Variants in PRR29 observed in about 807,000 individuals in gnomAD.
PRR29 encodes proline rich 29.
PRR29 carries 20 observed loss-of-function variants against 25.1 expected under a neutral mutation model. That is an observed-to-expected ratio of 0.80 (90% CI 0.56 to 1.16). The LOEUF (loss-of-function observed/expected upper bound fraction) is 1.16. Among genes scored for constraint, PRR29 ranks in the 50% most tolerant of loss-of-function variants. The probability of loss-of-function intolerance (pLI) is 0.00; values close to 1 mark genes in which losing one functional copy is unlikely to be tolerated. For synonymous variants in PRR29, 108 were observed against 102.6 expected (o/e 1.05, Z -0.32); for missense variants, 238 against 246.6 (o/e 0.97, Z 0.23).
At chr17:63,999,377 C>G (rs1910413885) in intron 3 of PRR29, 1 of 476,744 alleles carries the variant, frequency 2.1e-6, no homozygotes, top group Admixed American at 3.7e-5. Context: ...CTGCCCCATG[C>G]ATCATGAGCG....
rs929718879 is a variant in PRR29 at position 64,002,522 on chromosome 17, G to A, written c.*761G>A. On this transcript the variant is annotated 3_prime_UTR_variant, in exon 6 of 6. Transcript: ENST00000412177. ...GAGGGTGGGGAGGGAGGCATCTAGGGAGAGGGGTCCCCCATGGTGGCTCCC... is the reference window on the plus strand; with the variant it reads ...GAGGGTGGGGAGGGAGGCATCTAGGAAGAGGGGTCCCCCATGGTGGCTCCC... 1.8e-6 allele frequency: 1 copy of A among 562,486 alleles called. No individual in the cohort carries two copies. The highest frequency in any genetic ancestry group is 1.9e-5 in the African/African-American group (1 of 53,260). The allele number at this position is 562,486 out of a possible 1,614,324, so 34.8% of individuals were successfully genotyped here.
Position 64,003,411 on chromosome 17 carries a change from G to C in PRR29, c.*1650G>C, listed in dbSNP as rs1910945950. On this transcript the variant is annotated 3_prime_UTR_variant, in exon 6 of 6. Coordinates refer to ENST00000412177, the MANE Select transcript of PRR29 (RefSeq NM_001164257.2). ...GCCAGGGAGAGCCGTCAAGGTCATG[G>C]GGCTTGATGGTGGCCGAGGAACTAG... The C allele has an allele frequency of 1.1e-5, 6 of 565,662 alleles. No individual in the cohort carries two copies. Among genetic ancestry groups the C allele is most frequent in the Non-Finnish European group, 1.9e-5 (6 of 317,114 alleles). 35.0% of individuals were successfully genotyped at this position (565,662 alleles called of 1,614,324 possible).
chr17:64,001,428 G>C, intron 4 of PRR29, 39 bp from the exon 5 acceptor site: 1 of 1,491,600 alleles, frequency 6.7e-7, no homozygotes, highest in Non-Finnish European at 9.0e-7. Flanking sequence ...GGCCACCCCT[G>C]GGCCTCTGAT....
chr17:64,003,095 A>T lies in PRR29; in HGVS notation c.*1334A>T, dbSNP rs191722881. On this transcript the variant is annotated 3_prime_UTR_variant, in exon 6 of 6. Transcript: ENST00000412177. ...GAGTGGTGAATGGTGTCTGCATTAA[A>T]ATTATTATCTGGAAAAAAGGTGGCC... 5.5e-4 allele frequency: 329 copies of T among 596,628 alleles called. 1 individual carries two copies. Among genetic ancestry groups the T allele is most frequent in the African/African-American group, 5.5e-3 (297 of 53,954 alleles). The allele number at this position is 596,628 out of a possible 1,614,324, so 37.0% of individuals were successfully genotyped here. A position where few individuals can be genotyped will look rare whatever the true frequency, so the allele number is the denominator to read the frequency against.
At chr17:64,001,426 CT>C in intron 4 of PRR29, 40 bp from the exon 5 acceptor site, 3 of 1,491,306 alleles carry the variant, frequency 2.0e-6, no homozygotes, top group South Asian at 1.2e-5. Context: ...GAGGCCACCC[CT>C]GGGCCTCTGA....
At position 64,001,882 on chromosome 17, in the gene PRR29, C is replaced by T; in HGVS notation, c.*121C>T. 6.5e-7 allele frequency: 1 copy of T among 1,536,702 alleles called. No individual in the cohort carries two copies. The highest frequency in any genetic ancestry group is 8.7e-7 in the Non-Finnish European group (1 of 1,146,882). Reference sequence around the variant, plus strand: ...CATGGCTGGCAGTCCTTCTCACTCCCTCAACCTCAGCCAGGCCCTCTTCTC... The same window carrying T: ...CATGGCTGGCAGTCCTTCTCACTCCTTCAACCTCAGCCAGGCCCTCTTCTC... On this transcript the variant is annotated 3_prime_UTR_variant, in exon 6 of 6. Transcript: ENST00000412177.
chr17:64,001,888 C>A lies in PRR29; in HGVS notation c.*127C>A. The A allele has an allele frequency of 6.5e-7, 1 of 1,536,618 alleles. No homozygotes were observed. Among genetic ancestry groups the A allele is most frequent in the South Asian group, 1.2e-5 (1 of 84,058 alleles). Reference sequence around the variant, plus strand: ...TGGCAGTCCTTCTCACTCCCTCAACCTCAGCCAGGCCCTCTTCTCCTGGGG... The same window carrying A: ...TGGCAGTCCTTCTCACTCCCTCAACATCAGCCAGGCCCTCTTCTCCTGGGG... On this transcript the variant is annotated 3_prime_UTR_variant, in exon 6 of 6. Transcript: ENST00000412177.
At position 64,002,281 on chromosome 17, in the gene PRR29, C is replaced by T; in HGVS notation, c.*520C>T. ...AGTCAGTTCGCTGGGCCCCCCACCC[C>T]TCATCCCAGGAAGCAGCTCTGTTGG... is the stretch of plus-strand genomic sequence containing the variant. On this transcript the variant is annotated 3_prime_UTR_variant, in exon 6 of 6. Transcript: ENST00000412177. The T allele has an allele frequency of 2.0e-6, 1 of 502,108 alleles. No individual in the cohort carries two copies. 31.1% of individuals were successfully genotyped at this position (502,108 alleles called of 1,614,324 possible). A position where few individuals can be genotyped will look rare whatever the true frequency, so the allele number is the denominator to read the frequency against.
At chr17:63,999,883 C>T (rs561341991) in intron 3 of PRR29, 28 of 152,488 alleles carry the variant, frequency 1.8e-4, no homozygotes, top group African/African-American at 2.4e-4. Flanking sequence ...CAAGTGTGTG[C>T]GTGCAAGCAA....
Position 63,998,362 on chromosome 17 carries a change from G to C in PRR29, c.-3G>C. The C allele has an allele frequency of 6.5e-7, 1 of 1,531,448 alleles. No individual in the cohort carries two copies. The allele number at this position is 1,531,448 out of a possible 1,614,324, so 94.9% of individuals were successfully genotyped here. On this transcript the variant is annotated 5_prime_UTR_variant, in exon 1 of 6. Coordinates refer to ENST00000412177, the MANE Select transcript of PRR29 (RefSeq NM_001164257.2). ...GGCGTCGCCAAGGCAACCGGCGCCA[G>C]CCATGGCCTCTGGGGCGGGCGGAAG...
At chr17:63,998,644 G>C in intron 1 of PRR29, 63 bp from the exon 2 acceptor site, 2 of 1,076,984 alleles carry the variant, frequency 1.9e-6, no homozygotes, top group Non-Finnish European at 2.7e-6. Context: ...GGGGGTTGGG[G>C]CTCGCGACGT....
Position 64,003,762 on chromosome 17 carries a change from G to A in PRR29, c.*2001G>A, listed in dbSNP as rs979410856. The A allele has an allele frequency of 2.5e-6, 4 of 1,614,136 alleles. No individual in the cohort carries two copies. The highest frequency in any genetic ancestry group is 3.4e-6 in the Non-Finnish European group (4 of 1,180,052). On this transcript the variant is annotated 3_prime_UTR_variant, in exon 6 of 6. Transcript: ENST00000412177. Reference sequence around the variant, plus strand: ...GGTGGCCATCCTCTCTGTCAGCCGTGCTGTTGAATGTGGCTGTGGCCTCCT... The same window carrying A: ...GGTGGCCATCCTCTCTGTCAGCCGTACTGTTGAATGTGGCTGTGGCCTCCT...
In PRR29 at chr17:64,001,870, C is replaced by T. The variant is rs1270069200; in HGVS notation, c.*109C>T. ...CTCCCCGGTGCCCATGGCTGGCAGT[C>T]CTTCTCACTCCCTCAACCTCAGCCA... On this transcript the variant is annotated 3_prime_UTR_variant, in exon 6 of 6. Coordinates refer to ENST00000412177, the MANE Select transcript of PRR29 (RefSeq NM_001164257.2). 6.5e-7 allele frequency: 1 copy of T among 1,536,718 alleles called. No individual in the cohort carries two copies. The highest frequency in any genetic ancestry group is 1.4e-5 in the African/African-American group (1 of 73,016).
At position 64,001,164 on chromosome 17, in the gene PRR29, TCAC is replaced by T; in HGVS notation, c.331_333del (p.His111del). Reference sequence around the variant, plus strand: ...TGCGGGAGAAAGGGCCTTTGGTGTTTCACCACCACTACTTGCCCTATTTGATGC... The same window carrying T: ...TGCGGGAGAAAGGGCCTTTGGTGTTTCACCACTACTTGCCCTATTTGATGC... On this transcript the variant is annotated inframe_deletion, in exon 4 of 6. Coordinates refer to ENST00000412177, the MANE Select transcript of PRR29 (RefSeq NM_001164257.2). The T allele has an allele frequency of 2.0e-6, 3 of 1,537,398 alleles. No individual in the cohort carries two copies. The highest frequency in any genetic ancestry group is 2.6e-6 in the Non-Finnish European group (3 of 1,146,940).
intron 3 of PRR29, among the ~76,000 whole-genome samples, chr17:64,000,571 C>T (rs1416551736): frequency 7.3e-5 from 11 of 151,546 alleles, no homozygotes; most frequent in Admixed American, 2.0e-4. Context: ...CCTTGTGATC[C>T]GTCCGCCTCA....
At chr17:64,001,050 C>G (rs773342780) in intron 3 of PRR29, 34 bp from the exon 4 acceptor site, 9 of 1,502,750 alleles carry the variant, frequency 6.0e-6, no homozygotes, top group Non-Finnish European at 8.1e-6. Flanking sequence ...ATGGTAGATT[C>G]TCATTTCCCC....
chr17:64,001,555 G>A lies in PRR29; in HGVS notation c.541+18G>A. On this transcript the variant is annotated intron_variant, in intron 5 of 5. Transcript: ENST00000412177. ...GGCTTCAGGTAGGGCTGGGGTGGTG[G>A]GCAGCGGGGCCCAGGCCTGGGAGTG... 6.6e-7 allele frequency: 1 copy of A among 1,514,500 alleles called. No individual in the cohort carries two copies. The highest frequency in any genetic ancestry group is 8.8e-7 in the Non-Finnish European group (1 of 1,137,480). 93.8% of individuals were successfully genotyped at this position (1,514,500 alleles called of 1,614,324 possible). A position where few individuals can be genotyped will look rare whatever the true frequency, so the allele number is the denominator to read the frequency against.
rs755427701 is a variant in PRR29 at position 63,998,460 on chromosome 17, C to T, written c.60+36C>T. The T allele has an allele frequency of 8.9e-6, 13 of 1,454,690 alleles. No individual in the cohort carries two copies. In the African/African-American group the frequency reaches 1.7e-4, roughly 19 times the overall value. 90.1% of individuals were successfully genotyped at this position (1,454,690 alleles called of 1,614,324 possible). A position where few individuals can be genotyped will look rare whatever the true frequency, so the allele number is the denominator to read the frequency against. ...AGCCCGGGAGCAGATCCTGCCTTAG[C>T]TTGGGAGACGGCAGAGTGGGGAGCT... On this transcript the variant is annotated intron_variant, in intron 1 of 5. Transcript: ENST00000412177.
chr17:63,998,916 G>T, intron 2 of PRR29, 52 bp from the exon 3 acceptor site: 1 of 1,501,200 alleles, frequency 6.7e-7, no homozygotes, highest in Non-Finnish European at 9.0e-7. Context: ...GGGGTGTCAG[G>T]GGGAGGGGGA....
Sources: gnomAD v4.1 joint callset for allele counts (sites outside exome capture counted in the v4.1 genomes callset) on GRCh38, gnomAD v4.1.1 for gene constraint, MANE v1.5 for transcripts, NCBI Gene and HGNC (gene_info 2026-07-23, HGNC 2026-07-21) for gene names.